Variants in MTRFR observed in about 807,000 individuals in gnomAD.
MTRFR encodes the protein probable peptide chain release factor C12orf65, mitochondrial.
Under a neutral mutation model 11.9 loss-of-function variants are expected in MTRFR, and 10 were observed. The observed-to-expected ratio is 0.84, with a 90% CI of 0.52 to 1.42. The LOEUF is 1.42. MTRFR is among the 40% of genes most tolerant of loss of function. MTRFR has a pLI of 0.00. For missense variants in MTRFR, 196 were observed against 197.9 expected, an observed-to-expected ratio of 0.99 and a Z score of 0.06; for synonymous variants, 77 against 79.1, an observed-to-expected ratio of 0.97 and a Z score of 0.14.
intron 1 of MTRFR, chr12:123,250,721 T>C (rs1369642579): frequency 6.6e-6 from 1 of 152,298 alleles, no homozygotes; most frequent in East Asian, 1.9e-4. Flanking sequence ...TATGGGTCTC[T>C]CAGCCATGGC....
Position 123,257,115 on chromosome 12 carries a change from T to C in MTRFR, c.*84T>C. 9.8e-7 allele frequency: 1 copy of C among 1,021,048 alleles called. No individual in the cohort carries two copies. Among genetic ancestry groups the C allele is most frequent in the Admixed American group, 2.1e-5 (1 of 48,188 alleles). The allele number at this position is 1,021,048 out of a possible 1,614,324, so 63.2% of individuals were successfully genotyped here. On this transcript the variant is annotated 3_prime_UTR_variant, in exon 3 of 3. Coordinates refer to ENST00000253233, the MANE Select transcript of MTRFR (RefSeq NM_152269.5). ...TGGCGAGTTCCATCACCAGCATTAT[T>C]ATAGTGCTTCAAAAGAAATATTTTT...
intron 1 of MTRFR, among the ~76,000 whole-genome samples, chr12:123,239,188 G>C (rs10744151): frequency 0.59 from 89,795 of 152,048 alleles, 30,779 homozygotes; most frequent in Non-Finnish European, 0.75. Flanking sequence ...AGGATGGCTA[G>C]AGCCTGGAAG....
chr12:123,243,244 T>C (rs1238246232), intron 1 of MTRFR, among the ~76,000 whole-genome samples: 1 of 152,016 alleles, frequency 6.6e-6, no homozygotes, highest in Admixed American at 6.6e-5. Context: ...AATTTTTTTT[T>C]TTTTGGCTGG....
rs571880308 is a variant in MTRFR, at chr12:123,255,771, C to G, written c.283-1042C>G. Among the ~76,000 whole-genome samples, 18 of 152,282 alleles carry G rather than the reference C, an allele frequency of 1.2e-4. No individual in the cohort carries two copies. The South Asian group carries it at 2.5e-3, about 21-fold the overall frequency. ...TCCCGAGTAGCTGGGATTACAGGTG[C>G]CCATCACCACGCCCAGCTAATTTTT... On this transcript the variant is annotated intron_variant, in intron 2 of 2. Coordinates refer to ENST00000253233, the MANE Select transcript of MTRFR (RefSeq NM_152269.5).
At chr12:123,253,421 A>G in intron 1 of MTRFR, 1 of 496,614 alleles carries the variant, frequency 2.0e-6, no homozygotes, top group Non-Finnish European at 3.7e-6. Context: ...ATTGCAAGAA[A>G]ATATGTATTA....
At chr12:123,249,986 A>G (rs2048094133) in intron 1 of MTRFR, 1 of 152,102 alleles carries the variant, frequency 6.6e-6, no homozygotes, top group African/African-American at 2.4e-5. Context: ...AAGCTTTTAG[A>G]TTTCTCTTCT....
upstream of MTRFR, chr12:123,233,435 C>G (rs1057188127): frequency 6.6e-6 from 1 of 152,284 alleles, no homozygotes; most frequent in Non-Finnish European, 1.5e-5. Flanking sequence ...CGGAGTACGG[C>G]GCGTGCGCAG....
intron 1 of MTRFR, chr12:123,250,529 C>A (rs188454361): frequency 6.6e-6 from 1 of 152,172 alleles, no homozygotes; most frequent in Non-Finnish European, 1.5e-5. Context: ...TGTTCAGATT[C>A]TTTTGTCCCA....
rs1228409272 is a variant in MTRFR, at chr12:123,233,500, C to G, written c.-60C>G. 2 of 152,270 alleles carry G rather than the reference C, an allele frequency of 1.3e-5. No individual in the cohort carries two copies. Among genetic ancestry groups the G allele is most frequent in the Non-Finnish European group, 2.9e-5 (2 of 68,068 alleles). 9.4% of individuals were successfully genotyped at this position (152,270 alleles called of 1,614,324 possible). ...TGAGGTGATTTGGATATCCCTAGAA[C>G]GTTGAGGGCACGAGTCGGGTCCTGA... On this transcript the variant is annotated 5_prime_UTR_variant, in exon 1 of 3. Transcript: ENST00000253233.
At chr12:123,236,659 G>T (rs934519523) in intron 1 of MTRFR, among the ~76,000 whole-genome samples, 2 of 152,036 alleles carry the variant, frequency 1.3e-5, no homozygotes, top group Non-Finnish European at 2.9e-5. Flanking sequence ...CAAACACAAG[G>T]CATCGTTAAT....
At chr12:123,237,084 A>G (rs899501334) in intron 1 of MTRFR, among the ~76,000 whole-genome samples, 2 of 147,760 alleles carry the variant, frequency 1.4e-5, no homozygotes, top group African/African-American at 4.9e-5. Flanking sequence ...GACTCCGGCT[A>G]AAAAAAAAAA....
chr12:123,245,105 C>T (rs1194938843), intron 1 of MTRFR, among the ~76,000 whole-genome samples: 4 of 151,662 alleles, frequency 2.6e-5, no homozygotes, highest in South Asian at 2.1e-4. Context: ...CCCACCACTG[C>T]GCCCGGCTAA....
At chr12:123,233,596 G>C (rs1256999614) in intron 1 of MTRFR, 65 bp downstream of exon 1, 2 of 152,276 alleles carry the variant, frequency 1.3e-5, no homozygotes, top group Non-Finnish European at 2.9e-5. Context: ...GCTCCGGAGA[G>C]AGGACTGCGA....
Position 123,253,854 on chromosome 12 carries a change from C to G in MTRFR, c.180C>G (p.Leu60=). The part of the protein sequence containing the change: ...PALLSLDENE[L]EEQFVKGHGP... ...TGCTTTCCTTGGATGAGAATGAACT[C>G]GAAGAGCAGTTTGTGAAAGGACACG... Residue 60 remains leucine, a synonymous_variant, in exon 2 of 3, where the codon CTC becomes CTG. Coordinates refer to ENST00000253233, the MANE Select transcript of MTRFR (RefSeq NM_152269.5). 6.2e-7 allele frequency: 1 copy of G among 1,614,148 alleles called. No individual in the cohort carries two copies. The highest frequency in any genetic ancestry group is 8.5e-7 in the Non-Finnish European group (1 of 1,180,032).
intron 1 of MTRFR, among the ~76,000 whole-genome samples, chr12:123,242,547 G>A (rs1336325581): frequency 6.6e-6 from 1 of 152,140 alleles, no homozygotes; most frequent in Non-Finnish European, 1.5e-5. Flanking sequence ...TTGGAGTAGG[G>A]CCAAAGCTCC....
intron 2 of MTRFR, among the ~76,000 whole-genome samples, chr12:123,255,688 A>G (rs1470515015): frequency 6.6e-6 from 1 of 152,076 alleles, no homozygotes; most frequent in Non-Finnish European, 1.5e-5. Context: ...GCAGTGGCGC[A>G]ATCTCAGCTC....
chr12:123,235,131 G>C (rs1652998618), intron 1 of MTRFR, among the ~76,000 whole-genome samples: 1 of 152,200 alleles, frequency 6.6e-6, no homozygotes, highest in African/African-American at 2.4e-5. Flanking sequence ...GTAGTTGAGA[G>C]ATCTGACATG....
intron 1 of MTRFR, among the ~76,000 whole-genome samples, chr12:123,252,939 ACT>A (rs2048131943): frequency 6.6e-6 from 1 of 151,614 alleles, no homozygotes; most frequent in Non-Finnish European, 1.5e-5. Flanking sequence ...AATAAAATAG[ACT>A]CTCATACTGT....
chr12:123,244,929 C>CCTT (rs1170457743), intron 1 of MTRFR, among the ~76,000 whole-genome samples: 137 of 64,298 alleles, frequency 2.1e-3, no homozygotes, highest in East Asian at 0.02. Context: ...CCGCACCCGG[C>CCTT]ATTTTTTTTT....
Sources: gnomAD v4.1 joint callset for allele counts (sites outside exome capture counted in the v4.1 genomes callset) on GRCh38, gnomAD v4.1.1 for gene constraint, MANE v1.5 for transcripts, NCBI Gene and HGNC (gene_info 2026-07-23, HGNC 2026-07-21) for gene names.